Variants in KAZN observed in about 807,000 individuals in gnomAD.
KAZN encodes kazrin, periplakin interacting protein.
KAZN carries 40 observed loss-of-function variants against 87.4 expected under a neutral mutation model. The ratio of observed to expected loss-of-function variants is 0.46; its 90% CI spans 0.36 to 0.60. The LOEUF (loss-of-function observed/expected upper bound fraction) is 0.60, where lower values mean the gene tolerates loss of function less well. KAZN is among the 20% of genes least tolerant of loss of function. The probability of loss-of-function intolerance (pLI) is 0.00; values close to 1 mark genes in which losing one functional copy is unlikely to be tolerated. For synonymous variants in KAZN, 466 were observed against 458.3 expected (o/e 1.02, Z -0.22); for missense variants, 898 against 1,073.9 (o/e 0.84, Z 2.29).
intron 1 of KAZN, among the ~76,000 whole-genome samples, chr1:14,747,122 G>A (rs1644282582): frequency 6.6e-6 from 1 of 151,970 alleles, no homozygotes; most frequent in Non-Finnish European, 1.5e-5. Flanking sequence ...GTAACATATT[G>A]TCCTCAAGAT....
chr1:14,683,805 C>T (rs1014684110), intron 1 of KAZN, among the ~76,000 whole-genome samples: 2 of 152,198 alleles, frequency 1.3e-5, no homozygotes, highest in African/African-American at 4.8e-5. Flanking sequence ...CCTGTATCCT[C>T]AGCATTGCTG....
intron 1 of KAZN, among the ~76,000 whole-genome samples, chr1:14,934,454 C>T (rs1302626333): frequency 6.6e-6 from 1 of 152,112 alleles, no homozygotes; most frequent in Non-Finnish European, 1.5e-5. Flanking sequence ...ATCCACCTGC[C>T]TTTGCCTCCC....
intron 13 of KAZN, among the ~76,000 whole-genome samples, chr1:15,109,723 ATATC>A (rs1198154458): frequency 6.9e-6 from 1 of 144,144 alleles, no homozygotes; most frequent in Non-Finnish European, 1.5e-5. Flanking sequence ...TTGTGTGTAT[ATATC>A]TGTGTGTATG....
chr1:14,391,538 A>G (rs1662425454), intron 2 of KAZN: 1 of 152,274 alleles, frequency 6.6e-6, no homozygotes. Flanking sequence ...TCCTTCTCTC[A>G]CGACCACTTC....
intron 2 of KAZN, among the ~76,000 whole-genome samples, chr1:14,461,404 C>T (rs1326108385): frequency 6.6e-6 from 1 of 152,094 alleles, no homozygotes; most frequent in African/African-American, 2.4e-5. Flanking sequence ...AGGGGAAACC[C>T]CTTTCACTTG....
intron 2 of KAZN, among the ~76,000 whole-genome samples, chr1:14,567,452 C>T (rs1006116196): frequency 1.3e-5 from 2 of 152,132 alleles, no homozygotes; most frequent in African/African-American, 4.8e-5. Context: ...TACAGAGACA[C>T]AAAGTGAGCA....
At chr1:14,406,073 T>C (rs1663828385) in intron 2 of KAZN, among the ~76,000 whole-genome samples, 2 of 152,188 alleles carry the variant, frequency 1.3e-5, no homozygotes, top group African/African-American at 2.4e-5. Flanking sequence ...AACTTCATTG[T>C]ACATTTTGAA....
chr1:14,791,673 C>A (rs1737353), intron 1 of KAZN, among the ~76,000 whole-genome samples: 16 of 152,030 alleles, frequency 1.1e-4, no homozygotes, highest in African/African-American at 2.2e-4. Flanking sequence ...AGCTTAGTCC[C>A]CAGGGGAATG....
At chr1:14,657,011 T>G (rs567754502) in intron 1 of KAZN, among the ~76,000 whole-genome samples, 1 of 151,286 alleles carries the variant, frequency 6.6e-6, no homozygotes, top group East Asian at 2.0e-4. Flanking sequence ...GCCACCAACC[T>G]AGGGCTGTCT....
chr1:14,960,552 C>G (rs898796104), intron 1 of KAZN, 132 bp from the exon 2 acceptor site: 1 of 929,192 alleles, frequency 1.1e-6, no homozygotes, highest in African/African-American at 1.7e-5. Context: ...AGTGGCCTCC[C>G]TTCACACATG....
intron 13 of KAZN, among the ~76,000 whole-genome samples, chr1:15,107,212 G>T (rs1641326828): frequency 6.6e-6 from 1 of 152,222 alleles, no homozygotes; most frequent in Admixed American, 6.5e-5. Flanking sequence ...AGGCACTTGG[G>T]TGATCCATGT....
At chr1:14,971,261 G>A (rs1205908912) in intron 2 of KAZN, among the ~76,000 whole-genome samples, 1 of 152,188 alleles carries the variant, frequency 6.6e-6, no homozygotes, top group Non-Finnish European at 1.5e-5. Flanking sequence ...AGCCAGGCAT[G>A]GTGGCGCGTG....
At chr1:14,159,808 T>A (rs1464871838) in intron 1 of KAZN, among the ~76,000 whole-genome samples, 1 of 152,224 alleles carries the variant, frequency 6.6e-6, no homozygotes, top group Non-Finnish European at 1.5e-5. Flanking sequence ...TAGCAGGTGA[T>A]GAATCCTTCC....
chr1:14,642,474 CAT>C (rs1221644200), intron 1 of KAZN, among the ~76,000 whole-genome samples: 6 of 152,106 alleles, frequency 3.9e-5, no homozygotes, highest in African/African-American at 7.2e-5. Context: ...TGTGCTCACT[CAT>C]GTGTGGAAGC....
intron 8 of KAZN, among the ~76,000 whole-genome samples, chr1:15,082,783 C>T (rs1237853876): frequency 6.6e-6 from 1 of 152,230 alleles, no homozygotes; most frequent in Non-Finnish European, 1.5e-5. Flanking sequence ...ACTTCCACCT[C>T]CCAGGTTCAA....
intron 2 of KAZN, among the ~76,000 whole-genome samples, chr1:14,217,636 A>G (rs1287916051): frequency 1.3e-5 from 2 of 152,166 alleles, no homozygotes; most frequent in East Asian, 3.8e-4. Flanking sequence ...AAAAATACCC[A>G]AAACTATAAT....
chr1:14,692,177 C>A, intron 1 of KAZN: 1 of 403,596 alleles, frequency 2.5e-6, no homozygotes, highest in Non-Finnish European at 4.5e-6. Flanking sequence ...CTTTATATTC[C>A]TCAGTGTCTT....
At chr1:15,044,488 C>G (rs1048413291) in intron 4 of KAZN, among the ~76,000 whole-genome samples, 2 of 152,054 alleles carry the variant, frequency 1.3e-5, no homozygotes, top group Admixed American at 1.3e-4. Context: ...GTGGCTCATG[C>G]CTGTAATCCC....
rs1299922400 is a variant in KAZN at position 13,955,332 on chromosome 1, A to G, written c.91+61576A>G. ...TACCTGAGTGTTAATGATTATAAAAATACATGTTTTTATTGCCTATTTTAC... is the reference window on the plus strand; with the variant it reads ...TACCTGAGTGTTAATGATTATAAAAGTACATGTTTTTATTGCCTATTTTAC... On this transcript the variant is annotated intron_variant, in intron 1 of 16. Transcript: ENST00000636203. Among the ~76,000 whole-genome samples, 3 of 152,328 alleles carry G rather than the reference A, an allele frequency of 2.0e-5. No individual in the cohort carries two copies. The East Asian group carries it at 5.8e-4, about 29-fold the overall frequency.
Sources: allele counts gnomAD v4.1 joint callset (sites outside exome capture counted in the v4.1 genomes callset), GRCh38; gene constraint gnomAD v4.1.1; transcripts MANE v1.5; gene names NCBI Gene and HGNC (gene_info 2026-07-23, HGNC 2026-07-21).